Variants in CTNNA2 observed in about 807,000 individuals in gnomAD.
The protein encoded by CTNNA2 is catenin alpha-2.
A neutral mutation model predicts 101.0 loss-of-function variants in CTNNA2; 42 were observed. The observed-to-expected ratio is 0.42, with a 90% CI of 0.32 to 0.54. The LOEUF (loss-of-function observed/expected upper bound fraction) is 0.54. Among genes scored for constraint, CTNNA2 ranks in the 20% least tolerant of loss-of-function variants. The pLI is 0.14. For synonymous variants in CTNNA2, 450 were observed against 456.4 expected, an observed-to-expected ratio of 0.99 and a Z score of 0.18; for missense variants, 871 against 1,223.1, an observed-to-expected ratio of 0.71 and a Z score of 4.29.
chr2:79,208,613 A>G (rs934655062), intron 2 of CTNNA2, among the ~76,000 whole-genome samples: 2 of 152,028 alleles, frequency 1.3e-5, no homozygotes, highest in Non-Finnish European at 2.9e-5. Flanking sequence ...TTCTAAGTGG[A>G]TAGTTCTTTT....
chr2:80,536,980 A>G (rs576702638), intron 9 of CTNNA2, among the ~76,000 whole-genome samples: 123 of 152,338 alleles, frequency 8.1e-4, no homozygotes, highest in African/African-American at 2.6e-3. Flanking sequence ...ATAGGTATAC[A>G]TGTGCCATGG....
chr2:79,975,365 C>G (rs1276129934), intron 7 of CTNNA2, among the ~76,000 whole-genome samples: 1 of 152,166 alleles, frequency 6.6e-6, no homozygotes, highest in Non-Finnish European at 1.5e-5. Context: ...ACCGTCAACA[C>G]AAAACACTTC....
At chr2:79,661,515 C>G (rs528997408) in intron 2 of CTNNA2, among the ~76,000 whole-genome samples, 1 of 152,268 alleles carries the variant, frequency 6.6e-6, no homozygotes, top group African/African-American at 2.4e-5. Context: ...TGGGGTTTCC[C>G]CCACAAGATA....
intron 7 of CTNNA2, among the ~76,000 whole-genome samples, chr2:79,941,378 G>A (rs539143954): frequency 6.6e-6 from 1 of 152,134 alleles, no homozygotes; most frequent in Non-Finnish European, 1.5e-5. Flanking sequence ...CTCCAGTTAT[G>A]CAGAGTGCTC....
chr2:80,158,910 CAAAA>C (rs57487842), intron 7 of CTNNA2, among the ~76,000 whole-genome samples: 1 of 89,048 alleles, frequency 1.1e-5, no homozygotes, highest in Non-Finnish European at 2.6e-5. Flanking sequence ...GACTCCGTCT[CAAAA>C]AAAAAAAAAA....
intron 4 of CTNNA2, among the ~76,000 whole-genome samples, chr2:79,467,421 G>A (rs535365290): frequency 7.2e-5 from 11 of 152,304 alleles, no homozygotes; most frequent in South Asian, 2.1e-4. Flanking sequence ...TGAAAGTGAC[G>A]GGGAGAATGG....
intron 7 of CTNNA2, among the ~76,000 whole-genome samples, chr2:80,212,269 T>A (rs1252971639): frequency 6.6e-6 from 1 of 152,190 alleles, no homozygotes; most frequent in African/African-American, 2.4e-5. Context: ...ATAGAAGTGG[T>A]GAGAGAGGGC....
chr2:80,315,538 G>A (rs186532201), intron 7 of CTNNA2, among the ~76,000 whole-genome samples: 6 of 152,242 alleles, frequency 3.9e-5, no homozygotes, highest in East Asian at 3.9e-4. Context: ...CCCGCATGTC[G>A]TCTCATCCTC....
rs13407614 is a variant in CTNNA2, at chr2:80,007,877, C to T, written c.1056+98080C>T. 2.2e-3 allele frequency among the ~76,000 whole-genome samples: 328 copies of T among 152,256 alleles called. 3 individuals are homozygous for T. The highest frequency in any genetic ancestry group is 7.5e-3 in the African/African-American group (312 of 41,550). On this transcript the variant is annotated intron_variant, in intron 7 of 18. Coordinates refer to ENST00000402739, the MANE Select transcript of CTNNA2 (RefSeq NM_001282597.3). ...TACTCTGCAGGTCAGGCCATGGGTT[C>T]AAGTTACACACGTGCTGGGAGATTC...
intron 3 of CTNNA2, among the ~76,000 whole-genome samples, chr2:79,757,225 C>A (rs1001868393): frequency 4.0e-5 from 6 of 151,730 alleles, no homozygotes; most frequent in African/African-American, 7.3e-5. Flanking sequence ...ATTAATAAAC[C>A]AATATTTATA....
chr2:80,201,766 T>C (rs913164270), intron 7 of CTNNA2, among the ~76,000 whole-genome samples: 1 of 152,200 alleles, frequency 6.6e-6, no homozygotes, highest in African/African-American at 2.4e-5. Context: ...TTGTAGTTAA[T>C]GTATATTCCT....
intron 1 of CTNNA2, among the ~76,000 whole-genome samples, chr2:79,535,040 A>C (rs1272630781): frequency 1.3e-5 from 2 of 152,170 alleles, no homozygotes; most frequent in African/African-American, 4.8e-5. Flanking sequence ...GTATGACATA[A>C]TTTTTAAGAA....
chr2:79,849,104 G>A (rs1370227271), intron 3 of CTNNA2, among the ~76,000 whole-genome samples: 1 of 152,150 alleles, frequency 6.6e-6, no homozygotes, highest in Non-Finnish European at 1.5e-5. Context: ...CATCACTTCA[G>A]AGGCAGTGGC....
intron 18 of CTNNA2, among the ~76,000 whole-genome samples, chr2:80,641,258 A>G (rs1224859891): frequency 6.6e-6 from 1 of 152,200 alleles, no homozygotes; most frequent in African/African-American, 2.4e-5. Context: ...TATTTAGCTT[A>G]GCCAGCGGTC....
intron 8 of CTNNA2, among the ~76,000 whole-genome samples, chr2:80,400,261 A>G (rs1023136631): frequency 5.3e-5 from 8 of 152,144 alleles, no homozygotes; most frequent in Non-Finnish European, 8.8e-5. Flanking sequence ...GGAAATTTCC[A>G]TCAGGACTGC....
At chr2:80,118,033 G>A (rs1326094187) in intron 7 of CTNNA2, among the ~76,000 whole-genome samples, 1 of 152,158 alleles carries the variant, frequency 6.6e-6, no homozygotes, top group Admixed American at 6.5e-5. Context: ...TGGCACAGTT[G>A]CTAAGAGCCC....
intron 8 of CTNNA2, among the ~76,000 whole-genome samples, chr2:80,409,734 G>A (rs942151153): frequency 6.6e-6 from 1 of 152,110 alleles, no homozygotes; most frequent in Non-Finnish European, 1.5e-5. Context: ...TGAGCTAATT[G>A]CATTAGTATC....
At chr2:79,510,031 A>T (rs1671501549), upstream of CTNNA2, among the ~76,000 whole-genome samples, 1 of 152,224 alleles carries the variant, frequency 6.6e-6, no homozygotes, top group Non-Finnish European at 1.5e-5. Context: ...TAAATGAATA[A>T]GCAATACAGA....
chr2:80,144,409 T>C (rs1273415542), intron 7 of CTNNA2, among the ~76,000 whole-genome samples: 4 of 152,128 alleles, frequency 2.6e-5, no homozygotes, highest in African/African-American at 9.7e-5. Flanking sequence ...TAATATGAAA[T>C]GAGTTTTATT....
Sources: gnomAD v4.1 joint callset for allele counts (sites outside exome capture counted in the v4.1 genomes callset) on GRCh38, gnomAD v4.1.1 for gene constraint, MANE v1.5 for transcripts, NCBI Gene and HGNC (gene_info 2026-07-23, HGNC 2026-07-21) for gene names.